The following BAALC variants were observed in gnomAD, a reference collection of about 807,000 sequenced individuals.
BAALC encodes brain and acute leukemia cytoplasmic protein.
In BAALC, 9 loss-of-function variants were observed where a neutral mutation model predicts 15.5. The observed-to-expected ratio is 0.58, with a 90% CI of 0.35 to 1.02. The LOEUF (loss-of-function observed/expected upper bound fraction) is 1.02. Ranked by LOEUF, BAALC falls within the 50% of genes least tolerant of loss-of-function variation. The pLI is 0.02. For synonymous variants in BAALC, 80 were observed against 74.6 expected (o/e 1.07, Z -0.37); for missense variants, 201 against 192.4 (o/e 1.04, Z -0.27).
At position 103,194,751 on chromosome 8, in the gene BAALC, G is replaced by A. The variant is rs73282162; in HGVS notation, c.161-18168G>A. ...TGGGGAAGACCCATTCCTCATAGAC[G>A]GTGCCATCTAGTGCCCTCACATGGC... On this transcript the variant is annotated intron_variant, in intron 1 of 2. Transcript: ENST00000309982. Among the ~76,000 whole-genome samples, 505 of 152,230 alleles carry A rather than the reference G, an allele frequency of 3.3e-3. 1 individual carries two copies. The highest frequency in any genetic ancestry group is 0.011 in the African/African-American group (471 of 41,526).
intron 1 of BAALC, among the ~76,000 whole-genome samples, chr8:103,158,190 A>G (rs2129893971): frequency 6.6e-6 from 1 of 152,224 alleles, no homozygotes; most frequent in African/African-American, 2.4e-5. Context: ...TTTGTCTTGT[A>G]GAGTTTCTAA....
intron 1 of BAALC, among the ~76,000 whole-genome samples, chr8:103,179,205 A>C (rs56356799): frequency 0.076 from 11,563 of 152,192 alleles, 583 homozygotes; most frequent in Non-Finnish European, 0.12. Flanking sequence ...AGCACTATGG[A>C]AATTTTGGGC....
chr8:103,218,132 C>G (rs555536198), intron 2 of BAALC, among the ~76,000 whole-genome samples: 1 of 152,282 alleles, frequency 6.6e-6, no homozygotes, highest in South Asian at 2.1e-4. Flanking sequence ...GCAACAGCAC[C>G]TTGTGTTTGG....
At chr8:103,202,408 A>C (rs922634196) in intron 1 of BAALC, among the ~76,000 whole-genome samples, 23 of 152,212 alleles carry the variant, frequency 1.5e-4, no homozygotes, top group African/African-American at 5.3e-4. Context: ...CAAGCCAAAG[A>C]GAGAGGTCTC....
chr8:103,163,263 C>G (rs970334094), intron 1 of BAALC, among the ~76,000 whole-genome samples: 1 of 152,086 alleles, frequency 6.6e-6, no homozygotes, highest in Non-Finnish European at 1.5e-5. Context: ...CGTCTCTTCA[C>G]GCCCTTGCCC....
chr8:103,167,545 C>T (rs182744953), intron 1 of BAALC, among the ~76,000 whole-genome samples: 1 of 152,218 alleles, frequency 6.6e-6, no homozygotes, highest in African/African-American at 2.4e-5. Context: ...CGAACTCATA[C>T]AATTAATTAT....
At chr8:103,165,617 A>C (rs928641105) in intron 1 of BAALC, 1 of 152,236 alleles carries the variant, frequency 6.6e-6, no homozygotes, top group Non-Finnish European at 1.5e-5. Flanking sequence ...TGTCAGCAAC[A>C]GAACAAAAAC....
intron 1 of BAALC, among the ~76,000 whole-genome samples, chr8:103,181,333 C>G (rs573592839): frequency 1.3e-5 from 2 of 152,174 alleles, no homozygotes; most frequent in African/African-American, 4.8e-5. Flanking sequence ...AGTGCAGTGG[C>G]GCAATCTCAG....
intron 1 of BAALC, among the ~76,000 whole-genome samples, chr8:103,147,375 C>T (rs1211648512): frequency 6.6e-6 from 1 of 152,098 alleles, no homozygotes. Context: ...AATAATAACT[C>T]AACTGTATAT....
At chr8:103,203,716 G>C (rs752489888) in intron 1 of BAALC, among the ~76,000 whole-genome samples, 9 of 152,272 alleles carry the variant, frequency 5.9e-5, no homozygotes, top group Admixed American at 6.5e-5. Flanking sequence ...TTCACGTAGC[G>C]TAATGGTTTC....
intron 1 of BAALC, among the ~76,000 whole-genome samples, chr8:103,145,976 T>A (rs2129855001): frequency 6.6e-6 from 1 of 152,308 alleles, no homozygotes; most frequent in African/African-American, 2.4e-5. Flanking sequence ...ATATTCTAGG[T>A]CTTTGTTTCT....
chr8:103,218,498 G>C (rs1404351456), intron 2 of BAALC, among the ~76,000 whole-genome samples: 2 of 152,048 alleles, frequency 1.3e-5, no homozygotes, highest in Non-Finnish European at 2.9e-5. Context: ...ACTTTGGGCT[G>C]CCTCCAAACA....
chr8:103,224,115 C>G (rs113070493), intron 2 of BAALC, among the ~76,000 whole-genome samples: 1 of 150,830 alleles, frequency 6.6e-6, no homozygotes, highest in African/African-American at 2.4e-5. Flanking sequence ...CTGCGTGCGT[C>G]TGTGTGTGTG....
rs143143881 is a variant in BAALC at position 103,188,098 on chromosome 8, T to A, written c.161-24821T>A. On this transcript the variant is annotated intron_variant, in intron 1 of 2. Transcript: ENST00000309982. ...GGCCTAGGATAGGGCTGGCTTGGAG[T>A]AAGGCTGGGTTCAAGTCACCTGATG... Among the ~76,000 whole-genome samples, 19 of 152,150 alleles carry A rather than the reference T, an allele frequency of 1.2e-4. No homozygotes were observed. In the East Asian group the frequency reaches 3.5e-3, roughly 28 times the overall value.
At chr8:103,182,237 C>G (rs1476009531) in intron 1 of BAALC, among the ~76,000 whole-genome samples, 2 of 152,188 alleles carry the variant, frequency 1.3e-5, no homozygotes, top group Non-Finnish European at 2.9e-5. Flanking sequence ...AGCTCCCTTC[C>G]CAGTATCCTA....
chr8:103,169,358 TAG>T (rs1189703249), intron 1 of BAALC, among the ~76,000 whole-genome samples: 1 of 152,182 alleles, frequency 6.6e-6, no homozygotes, highest in African/African-American at 2.4e-5. Context: ...TCTCCCCTTA[TAG>T]AGTTTGTTTA....
At chr8:103,149,735 G>A (rs147682708) in intron 1 of BAALC, among the ~76,000 whole-genome samples, 1 of 152,152 alleles carries the variant, frequency 6.6e-6, no homozygotes, top group Admixed American at 6.5e-5. Flanking sequence ...GGAAGAGAAA[G>A]GGGGAAAGGT....
chr8:103,183,000 C>G (rs959619560), intron 1 of BAALC, among the ~76,000 whole-genome samples: 41 of 152,206 alleles, frequency 2.7e-4, no homozygotes, highest in Non-Finnish European at 7.3e-5. Context: ...AGAAGCCCCA[C>G]AGAAGATGAC....
chr8:103,158,671 T>TATACAATAC (rs1170915138), intron 1 of BAALC, among the ~76,000 whole-genome samples: 1 of 148,372 alleles, frequency 6.7e-6, no homozygotes, highest in Non-Finnish European at 1.5e-5. Flanking sequence ...ACAATACATA[T>TATACAATAC]ATACAATACA....
Sources: gnomAD v4.1 joint callset for allele counts (sites outside exome capture counted in the v4.1 genomes callset) on GRCh38, gnomAD v4.1.1 for gene constraint, MANE v1.5 for transcripts, NCBI Gene and HGNC (gene_info 2026-07-23, HGNC 2026-07-21) for gene names.